ST6GALNAC3: variants seen among roughly 807,000 people sequenced by gnomAD.
ST6GALNAC3 encodes the protein alpha-N-acetylgalactosaminide alpha-2,6-sialyltransferase 3.
Under a neutral mutation model 32.7 loss-of-function variants are expected in ST6GALNAC3, and 25 were observed. The ratio of observed to expected loss-of-function variants is 0.76; its 90% CI spans 0.56 to 1.07. ST6GALNAC3 has a LOEUF of 1.07. Ranked by LOEUF, ST6GALNAC3 falls within the 50% of genes least tolerant of loss-of-function variation. The pLI is 0.00. For missense variants in ST6GALNAC3, 355 were observed against 382.4 expected (o/e 0.93, Z 0.60); for synonymous variants, 129 against 133.1 (o/e 0.97, Z 0.21).
At chr1:76,345,298 C>T (rs6685141) in intron 2 of ST6GALNAC3, among the ~76,000 whole-genome samples, 1 of 151,800 alleles carries the variant, frequency 6.6e-6, no homozygotes, top group Non-Finnish European at 1.5e-5. Context: ...TCATAGAAAG[C>T]AGAACAATGG....
chr1:76,424,744 T>TAAG (rs1475335735), intron 3 of ST6GALNAC3, among the ~76,000 whole-genome samples: 1 of 152,124 alleles, frequency 6.6e-6, no homozygotes, highest in Non-Finnish European at 1.5e-5. Flanking sequence ...TTTTGATTCT[T>TAAG]AATATTGGCT....
chr1:76,422,252 G>T lies in ST6GALNAC3; in HGVS notation c.623+9835G>T, dbSNP rs368849704. On this transcript the variant is annotated intron_variant, in intron 3 of 4. Transcript: ENST00000328299. The stretch of plus-strand genomic sequence containing the variant: ...TTGAATAAAGGATTCAGGCAAACTT[G>T]CAAAAAGTTATCATGGGGGTCTTTA... Among the ~76,000 whole-genome samples the T allele has an allele frequency of 3.7e-4, 56 of 152,020 alleles. No individual in the cohort carries two copies. The East Asian group carries it at 8.5e-3, about 23-fold the overall frequency.
At chr1:76,568,270 G>A (rs556132611) in intron 3 of ST6GALNAC3, among the ~76,000 whole-genome samples, 9 of 152,258 alleles carry the variant, frequency 5.9e-5, no homozygotes, top group African/African-American at 2.2e-4. Flanking sequence ...GGCATGATTA[G>A]AACCCTGCCC....
intron 1 of ST6GALNAC3, among the ~76,000 whole-genome samples, chr1:76,091,636 A>AT (rs1409821204): frequency 6.6e-6 from 1 of 152,202 alleles, no homozygotes; most frequent in East Asian, 1.9e-4. Context: ...ATAATATCAC[A>AT]TTTTTACTGT....
At chr1:76,413,725 G>C (rs1247232447) in intron 3 of ST6GALNAC3, among the ~76,000 whole-genome samples, 1 of 152,126 alleles carries the variant, frequency 6.6e-6, no homozygotes, top group African/African-American at 2.4e-5. Context: ...CCAAGGGTGA[G>C]ATTTGAATCA....
At chr1:76,121,768 C>T (rs1648892497) in intron 1 of ST6GALNAC3, among the ~76,000 whole-genome samples, 1 of 152,166 alleles carries the variant, frequency 6.6e-6, no homozygotes, top group Non-Finnish European at 1.5e-5. Context: ...CACACAAACC[C>T]TCCAGGAGGT....
intron 2 of ST6GALNAC3, among the ~76,000 whole-genome samples, chr1:76,394,476 G>T (rs1652791295): frequency 6.6e-6 from 1 of 151,992 alleles, no homozygotes; most frequent in African/African-American, 2.4e-5. Context: ...TTTGGCTTAT[G>T]CAAAATTATA....
intron 1 of ST6GALNAC3, among the ~76,000 whole-genome samples, chr1:76,180,285 G>A (rs1653097152): frequency 6.6e-6 from 1 of 152,202 alleles, no homozygotes; most frequent in Non-Finnish European, 1.5e-5. Context: ...GTTTTCTAAT[G>A]TTAAAAATAA....
chr1:76,539,035 T>A (rs1663811925), intron 3 of ST6GALNAC3, among the ~76,000 whole-genome samples: 1 of 152,014 alleles, frequency 6.6e-6, no homozygotes, highest in Admixed American at 6.6e-5. Context: ...TCATGTGGAA[T>A]CAAAGAAGAC....
At chr1:76,175,304 C>T (rs776579774) in intron 1 of ST6GALNAC3, among the ~76,000 whole-genome samples, 2 of 152,170 alleles carry the variant, frequency 1.3e-5, no homozygotes, top group Non-Finnish European at 2.9e-5. Context: ...TTTTTTCCTA[C>T]CCTCTCCCAC....
chr1:76,296,677 G>A (rs1050119305), intron 1 of ST6GALNAC3, among the ~76,000 whole-genome samples: 1 of 152,058 alleles, frequency 6.6e-6, no homozygotes, highest in African/African-American at 2.4e-5. Flanking sequence ...AGTGCCACCT[G>A]TATATCAGAT....
intron 2 of ST6GALNAC3, among the ~76,000 whole-genome samples, chr1:76,374,565 ATTCT>A (rs1174412797): frequency 6.6e-6 from 1 of 152,228 alleles, no homozygotes; most frequent in Non-Finnish European, 1.5e-5. Flanking sequence ...CATATCGTAG[ATTCT>A]TTAAGAAGAA....
At chr1:76,406,806 A>T (rs1653867569) in intron 2 of ST6GALNAC3, among the ~76,000 whole-genome samples, 1 of 151,890 alleles carries the variant, frequency 6.6e-6, no homozygotes, top group Admixed American at 6.6e-5. Context: ...TCTTCTTTTT[A>T]ACCTGAAAAA....
intron 1 of ST6GALNAC3, among the ~76,000 whole-genome samples, chr1:76,115,003 A>T (rs1236179908): frequency 2.0e-5 from 3 of 152,176 alleles, no homozygotes; most frequent in Admixed American, 2.0e-4. Flanking sequence ...GATATCATAA[A>T]GAGAGTCCAA....
rs66473246 is a variant in ST6GALNAC3 at position 76,397,369 on chromosome 1, C to CTTTTTT, written c.214-14627_214-14622dup. 1.4e-4 allele frequency among the ~76,000 whole-genome samples: 17 copies of CTTTTTT among 124,080 alleles called. 2 individuals carry two copies. The highest frequency in any genetic ancestry group is 1.9e-4 in the Non-Finnish European group (12 of 62,152). The allele number at this position is 124,080 out of a possible 152,430, so 81.4% of individuals were successfully genotyped here. On this transcript the variant is annotated intron_variant, in intron 2 of 4. Transcript: ENST00000328299. ...TTGCAGCTCATTCTTCTATAAGATG[C>CTTTTTT]TTTTTTTTTTTTTTTTTCTGAGATG... is the stretch of plus-strand genomic sequence containing the variant.
intron 1 of ST6GALNAC3, among the ~76,000 whole-genome samples, chr1:76,232,082 T>C (rs573657): frequency 0.32 from 48,024 of 152,008 alleles, 9,788 homozygotes; most frequent in African/African-American, 0.58. Context: ...CAGGCTTTGA[T>C]ACCATGAAGT....
chr1:76,579,059 AT>A (rs1462911461), intron 3 of ST6GALNAC3, among the ~76,000 whole-genome samples: 3 of 152,188 alleles, frequency 2.0e-5, no homozygotes, highest in African/African-American at 7.2e-5. Flanking sequence ...AAACCAGACT[AT>A]TATATGTCTG....
In ST6GALNAC3 at chr1:76,631,778, A is replaced by G. The variant is rs1649311442; in HGVS notation, c.*2972A>G. 1 of 152,104 alleles carries G rather than the reference A, an allele frequency of 6.6e-6. No homozygotes were observed. The allele number at this position is 152,104 out of a possible 1,614,324, so 9.4% of individuals were successfully genotyped here. On this transcript the variant is annotated 3_prime_UTR_variant, in exon 5 of 5. Transcript: ENST00000328299. ...CAATTTTTCTGAAATTGGCATGAAA[A>G]CATTCAAGATAAAAATAATAGACTA...
intron 1 of ST6GALNAC3, among the ~76,000 whole-genome samples, chr1:76,295,714 A>G (rs912850636): frequency 6.6e-6 from 1 of 152,088 alleles, no homozygotes; most frequent in African/African-American, 2.4e-5. Context: ...AGACACAGTT[A>G]TTGTTGAAGA....
Sources: allele counts gnomAD v4.1 joint callset (sites outside exome capture counted in the v4.1 genomes callset), GRCh38; gene constraint gnomAD v4.1.1; transcripts MANE v1.5; gene names NCBI Gene and HGNC (gene_info 2026-07-23, HGNC 2026-07-21).